Variants in PARD3 observed in about 807,000 individuals in gnomAD.
PARD3 encodes the protein par-3 family cell polarity regulator.
PARD3 carries 75 observed loss-of-function variants against 155.4 expected under a neutral mutation model. That is an observed-to-expected ratio of 0.48 (90% CI 0.40 to 0.58). The LOEUF (loss-of-function observed/expected upper bound fraction) is 0.58, where lower values mean the gene tolerates loss of function less well. Ranked by LOEUF, PARD3 falls within the 20% of genes least tolerant of loss-of-function variation. The pLI is 0.00. For synonymous variants in PARD3, 576 were observed against 610.5 expected (o/e 0.94, Z 0.83); for missense variants, 1,642 against 1,721.7 (o/e 0.95, Z 0.82).
At chr10:34,135,063 G>A (rs566476505) in intron 22 of PARD3, among the ~76,000 whole-genome samples, 1 of 152,162 alleles carries the variant, frequency 6.6e-6, no homozygotes, top group East Asian at 1.9e-4. Context: ...TTTTTTGTGT[G>A]AGAAATATAA....
At chr10:34,796,976 T>C (rs933624309) in intron 1 of PARD3, among the ~76,000 whole-genome samples, 17 of 152,052 alleles carry the variant, frequency 1.1e-4, no homozygotes, top group Non-Finnish European at 2.1e-4. Flanking sequence ...CAGGGCGAGA[T>C]TCCATCTCAA....
At chr10:34,404,610 T>TC (rs1844247318) in intron 5 of PARD3, among the ~76,000 whole-genome samples, 1 of 152,042 alleles carries the variant, frequency 6.6e-6, no homozygotes, top group African/African-American at 2.4e-5. Flanking sequence ...GTTTTTTTTT[T>TC]CTTTTTCCTT....
chr10:34,303,574 T>C (rs892743588), intron 20 of PARD3, among the ~76,000 whole-genome samples: 5 of 151,864 alleles, frequency 3.3e-5, no homozygotes, highest in Non-Finnish European at 7.4e-5. Context: ...ACTTGGGATG[T>C]TTTCCTAATA....
At chr10:34,805,237 A>C (rs184661736) in intron 1 of PARD3, among the ~76,000 whole-genome samples, 1 of 152,142 alleles carries the variant, frequency 6.6e-6, no homozygotes, top group East Asian at 1.9e-4. Context: ...GGCGCCTGTA[A>C]TCTCAGCTAC....
chr10:34,124,111 T>C (rs1947153479), intron 23 of PARD3, among the ~76,000 whole-genome samples: 1 of 152,246 alleles, frequency 6.6e-6, no homozygotes, highest in African/African-American at 2.4e-5. Context: ...GTAATATTTT[T>C]ATAAAGGATC....
chr10:34,486,308 G>C (rs1020720381), intron 3 of PARD3, among the ~76,000 whole-genome samples: 27 of 152,148 alleles, frequency 1.8e-4, no homozygotes, highest in African/African-American at 4.8e-4. Context: ...GCCCGAACTA[G>C]TTTTCAGGTT....
intron 2 of PARD3, among the ~76,000 whole-genome samples, chr10:34,594,434 A>G (rs373329887): frequency 6.6e-6 from 1 of 152,192 alleles, no homozygotes; most frequent in Non-Finnish European, 1.5e-5. Flanking sequence ...TGTGTGATGC[A>G]CTTATACCAG....
intron 22 of PARD3, among the ~76,000 whole-genome samples, chr10:34,172,135 CAAGGGTT>C (rs999014699): frequency 6.6e-6 from 1 of 151,918 alleles, no homozygotes; most frequent in African/African-American, 2.4e-5. Flanking sequence ...ACAACATTCT[CAAGGGTT>C]AAGTGTAAAC....
Position 34,382,565 on chromosome 10 carries a change from C to G in PARD3, c.1374G>C (p.Lys458Asn). ...SSGYNTKKIG[K>N]RLNIQLKKGT... ...CTTTCTTAAGCTGGATATTAAGCCT[C>G]TTGCCTATTTTTTTGGTGTTATAAC... Residue 458 changes from lysine to asparagine, a missense_variant, in exon 9 of 25, where the codon AAG becomes AAC. Lys to Asn is a moderately conservative substitution (Grantham distance 94, BLOSUM62 0). Coordinates refer to ENST00000374788, the MANE Select transcript of PARD3 (RefSeq NM_001184785.2). 6.2e-7 allele frequency: 1 copy of G among 1,613,228 alleles called. No individual in the cohort carries two copies. The highest frequency in any genetic ancestry group is 8.5e-7 in the Non-Finnish European group (1 of 1,179,936).
chr10:34,579,805 G>A (rs370731877), intron 2 of PARD3, among the ~76,000 whole-genome samples: 2 of 151,396 alleles, frequency 1.3e-5, no homozygotes, highest in African/African-American at 4.9e-5. Flanking sequence ...TCGAACTCCT[G>A]ACCTCTTGAT....
In PARD3 at chr10:34,525,558, A is replaced by G. The variant is rs114183166; in HGVS notation, c.223-8399T>C. On this transcript the variant is annotated intron_variant, in intron 2 of 24. Transcript: ENST00000374788. ...ATCTAAGAGGGAGTAACGTGGAAAC[A>G]GGGGTCAACAGCATAGTGTTCTAAT... Among the ~76,000 whole-genome samples, 368 of 152,358 alleles carry G rather than the reference A, an allele frequency of 2.4e-3. 1 individual carries two copies. The highest frequency in any genetic ancestry group is 7.7e-3 in the African/African-American group (320 of 41,590).
At chr10:34,227,402 G>A (rs1262835780) in intron 22 of PARD3, among the ~76,000 whole-genome samples, 5 of 152,184 alleles carry the variant, frequency 3.3e-5, no homozygotes, top group Admixed American at 2.0e-4. Context: ...TTGGGAGGCC[G>A]AGGTAGGTGG....
intron 15 of PARD3, among the ~76,000 whole-genome samples, chr10:34,347,732 C>A (rs189268002): frequency 6.6e-6 from 1 of 152,110 alleles, no homozygotes; most frequent in South Asian, 2.1e-4. Flanking sequence ...TTGGTTGCTT[C>A]GTCATGTTAC....
At chr10:34,772,420 G>A (rs1838993150) in intron 1 of PARD3, among the ~76,000 whole-genome samples, 1 of 152,098 alleles carries the variant, frequency 6.6e-6, no homozygotes, top group African/African-American at 2.4e-5. Flanking sequence ...GTTTTTAAAT[G>A]TTGATACCAA....
At chr10:34,363,388 GTCATTATTA>G (rs1231249694) in intron 12 of PARD3, among the ~76,000 whole-genome samples, 3 of 152,232 alleles carry the variant, frequency 2.0e-5, no homozygotes, top group South Asian at 4.1e-4. Context: ...CAAGTCTTAA[GTCATTATTA>G]TCATTAAGAA....
intron 22 of PARD3, among the ~76,000 whole-genome samples, chr10:34,156,067 T>TAC (rs146868717): frequency 0.094 from 14,374 of 152,162 alleles, 870 homozygotes; most frequent in African/African-American, 0.18. Context: ...ACCTCAAGGC[T>TAC]ACAGATAAGT....
intron 3 of PARD3, among the ~76,000 whole-genome samples, chr10:34,515,746 G>A (rs944740336): frequency 6.6e-6 from 1 of 151,970 alleles, no homozygotes; most frequent in African/African-American, 2.4e-5. Flanking sequence ...TGCAAAAAAA[G>A]GGAATTAGGA....
chr10:34,432,430 TAGAG>T (rs985247434), intron 5 of PARD3, among the ~76,000 whole-genome samples: 4 of 148,768 alleles, frequency 2.7e-5, no homozygotes, highest in African/African-American at 1.0e-4. Flanking sequence ...CATAAAAAAT[TAGAG>T]AGAAGATAAT....
chr10:34,170,815 C>T (rs1273807166), intron 22 of PARD3, among the ~76,000 whole-genome samples: 1 of 152,256 alleles, frequency 6.6e-6, no homozygotes, highest in African/African-American at 2.4e-5. Context: ...TTGCCTTCTA[C>T]TGCCAAGGTT....
Sources: gnomAD v4.1 joint callset for allele counts (sites outside exome capture counted in the v4.1 genomes callset) on GRCh38, gnomAD v4.1.1 for gene constraint, MANE v1.5 for transcripts, NCBI Gene and HGNC (gene_info 2026-07-23, HGNC 2026-07-21) for gene names.